Variants in C16orf78 observed in about 807,000 individuals in gnomAD.
The protein encoded by C16orf78 is uncharacterized protein C16orf78.
Under a neutral mutation model 27.3 loss-of-function variants are expected in C16orf78, and 19 were observed. The observed-to-expected ratio is 0.70, with a 90% CI of 0.49 to 1.02. The LOEUF is 1.02. Among genes scored for constraint, C16orf78 ranks in the 50% least tolerant of loss-of-function variants. C16orf78 has a pLI of 0.00. For synonymous variants in C16orf78, 130 were observed against 116.1 expected (o/e 1.12, Z -0.77); for missense variants, 339 against 337.0 (o/e 1.01, Z -0.05).
intron 3 of C16orf78, among the ~76,000 whole-genome samples, chr16:49,394,017 A>G (rs1289480396): frequency 6.6e-6 from 1 of 152,136 alleles, no homozygotes; most frequent in South Asian, 2.1e-4. Context: ...AAATTGGTAC[A>G]ATATAGAGCA....
Position 49,373,821 on chromosome 16 carries a change from C to T in C16orf78, c.-119C>T. Reference sequence around the variant, plus strand: ...CTTGGCTCACTCTGCCCTTTATGTTCACATCTGGAGGCCACACCCTACCTT... The same window carrying T: ...CTTGGCTCACTCTGCCCTTTATGTTTACATCTGGAGGCCACACCCTACCTT... On this transcript the variant is annotated 5_prime_UTR_variant, in exon 1 of 5. Coordinates refer to ENST00000299191, the MANE Select transcript of C16orf78 (RefSeq NM_144602.4). The T allele has an allele frequency of 7.9e-7, 1 of 1,261,888 alleles. No individual in the cohort carries two copies. Among genetic ancestry groups the T allele is most frequent in the Non-Finnish European group, 1.1e-6 (1 of 905,328 alleles). The allele number at this position is 1,261,888 out of a possible 1,614,324, so 78.2% of individuals were successfully genotyped here.
intron 1 of C16orf78, among the ~76,000 whole-genome samples, chr16:49,376,026 A>G (rs1965212642): frequency 6.6e-6 from 1 of 152,240 alleles, no homozygotes; most frequent in African/African-American, 2.4e-5. Context: ...TAAGTCTTCA[A>G]GCATCATTAC....
chr16:49,395,714 C>T (rs152671), intron 3 of C16orf78, among the ~76,000 whole-genome samples: 46,998 of 152,082 alleles, frequency 0.31, 10,518 homozygotes, highest in African/African-American at 0.64. Flanking sequence ...AACTGATCAA[C>T]GATTCGCCCT....
intron 3 of C16orf78, 28 bp from the exon 4 acceptor site, chr16:49,396,395 C>T: frequency 6.2e-7 from 1 of 1,612,094 alleles, no homozygotes; most frequent in Non-Finnish European, 8.5e-7. Flanking sequence ...CACGGTCTAA[C>T]TCTTTGATGG....
rs768735875 is a variant in C16orf78 at position 49,399,419 on chromosome 16, G to A, written c.*141G>A. 1 of 1,013,426 alleles carries A rather than the reference G, an allele frequency of 9.9e-7. No homozygotes were observed. The highest frequency in any genetic ancestry group is 1.4e-6 in the Non-Finnish European group (1 of 706,402). The allele number at this position is 1,013,426 out of a possible 1,614,324, so 62.8% of individuals were successfully genotyped here. A position where few individuals can be genotyped will look rare whatever the true frequency, so the allele number is the denominator to read the frequency against. ...AGTAAGCAATCAGAAAACAAGCCTC[G>A]GCTGTGTGATCATTGTGCTTCCGTA... On this transcript the variant is annotated 3_prime_UTR_variant, in exon 5 of 5. Coordinates refer to ENST00000299191, the MANE Select transcript of C16orf78 (RefSeq NM_144602.4).
In C16orf78 at chr16:49,399,106, A is replaced by T. The variant is rs770300761; in HGVS notation, c.651-25A>T. On this transcript the variant is annotated intron_variant, in intron 4 of 4. Transcript: ENST00000299191. ...GCTGCTGTGACTCCACCTTCAACTGACCTCTTTTGCCTTCTCTTGAACAGA... is the reference window on the plus strand; with the variant it reads ...GCTGCTGTGACTCCACCTTCAACTGTCCTCTTTTGCCTTCTCTTGAACAGA... 3.1e-6 allele frequency: 5 copies of T among 1,611,098 alleles called. No homozygotes were observed. In the South Asian group the frequency reaches 4.4e-5, roughly 14 times the overall value.
At position 49,399,411 on chromosome 16, in the gene C16orf78, C is replaced by A; in HGVS notation, c.*133C>A. On this transcript the variant is annotated 3_prime_UTR_variant, in exon 5 of 5. Transcript: ENST00000299191. Reference sequence around the variant, plus strand: ...CTTTAGAAAGTAAGCAATCAGAAAACAAGCCTCGGCTGTGTGATCATTGTG... The same window carrying A: ...CTTTAGAAAGTAAGCAATCAGAAAAAAAGCCTCGGCTGTGTGATCATTGTG... 2 of 1,082,862 alleles carry A rather than the reference C, an allele frequency of 1.8e-6. No individual in the cohort carries two copies. Among genetic ancestry groups the A allele is most frequent in the Non-Finnish European group, 2.6e-6 (2 of 762,258 alleles). The allele number at this position is 1,082,862 out of a possible 1,614,324, so 67.1% of individuals were successfully genotyped here. A position where few individuals can be genotyped will look rare whatever the true frequency, so the allele number is the denominator to read the frequency against.
At chr16:49,395,726 T>C (rs1254692782) in intron 3 of C16orf78, among the ~76,000 whole-genome samples, 3 of 152,202 alleles carry the variant, frequency 2.0e-5, no homozygotes, top group Non-Finnish European at 4.4e-5. Flanking sequence ...ATTCGCCCTT[T>C]TAAACCCAGC....
rs552851501 is a variant in C16orf78 at position 49,383,216 on chromosome 16, C to A, written c.394+4623C>A. ...AGTCTGGGCCTCAAGATGTGGCACC[C>A]AGGACCTAGTCAGGGCTGAGCCTGG... is the stretch of plus-strand genomic sequence containing the variant. On this transcript the variant is annotated intron_variant, in intron 3 of 4. Transcript: ENST00000299191. 1.0e-3 allele frequency among the ~76,000 whole-genome samples: 152 copies of A among 152,338 alleles called. 1 individual carries two copies. The highest frequency in any genetic ancestry group is 1.6e-4 in the Non-Finnish European group (11 of 68,040).
At chr16:49,396,389 G>T (rs369001725) in intron 3 of C16orf78, 34 bp from the exon 4 acceptor site, 13 of 1,610,696 alleles carry the variant, frequency 8.1e-6, no homozygotes, top group African/African-American at 1.3e-5. Flanking sequence ...GTCTCCCACG[G>T]TCTAACTCTT....
intron 1 of C16orf78, among the ~76,000 whole-genome samples, chr16:49,374,871 A>T (rs1377391578): frequency 6.6e-6 from 1 of 152,178 alleles, no homozygotes; most frequent in Admixed American, 6.5e-5. Context: ...GAACCAAGCC[A>T]TGTCTTTGGA....
At chr16:49,375,497 C>T (rs532944890) in intron 1 of C16orf78, among the ~76,000 whole-genome samples, 2 of 152,258 alleles carry the variant, frequency 1.3e-5, no homozygotes, top group South Asian at 4.2e-4. Context: ...AGGTGCCACA[C>T]ACACTTTTAA....
intron 3 of C16orf78, among the ~76,000 whole-genome samples, chr16:49,393,168 A>C (rs1271586945): frequency 6.6e-6 from 1 of 152,166 alleles, no homozygotes; most frequent in Non-Finnish European, 1.5e-5. Context: ...ACAGCATAGT[A>C]ACCCGATACA....
In C16orf78 at chr16:49,378,069, C is replaced by G. The variant is rs571855527; in HGVS notation, c.270+219C>G. Among the ~76,000 whole-genome samples, 119 of 152,314 alleles carry G rather than the reference C, an allele frequency of 7.8e-4. 3 individuals are homozygous for G. The South Asian group carries it at 0.022, about 28-fold the overall frequency. Reference sequence around the variant, plus strand: ...CCTCCCTGTAGTTTCATTCTTCACACGTGTCACATCCTCCCTTGCCCACAT... The same window carrying G: ...CCTCCCTGTAGTTTCATTCTTCACAGGTGTCACATCCTCCCTTGCCCACAT... On this transcript the variant is annotated intron_variant, in intron 2 of 4. Transcript: ENST00000299191.
At chr16:49,376,985 C>T (rs1965227012) in intron 1 of C16orf78, among the ~76,000 whole-genome samples, 1 of 152,170 alleles carries the variant, frequency 6.6e-6, no homozygotes, top group Admixed American at 6.5e-5. Context: ...GCTCTGGCAC[C>T]CACCCCTAAC....
At chr16:49,384,979 CCAAA>C (rs1224349790) in intron 3 of C16orf78, among the ~76,000 whole-genome samples, 4 of 152,010 alleles carry the variant, frequency 2.6e-5, no homozygotes, top group Non-Finnish European at 2.9e-5. Flanking sequence ...AAGGACTTTC[CCAAA>C]CAAAGAGTGA....
intron 2 of C16orf78, 25 bp from the exon 3 acceptor site, chr16:49,378,445 T>C: frequency 6.4e-7 from 1 of 1,553,156 alleles, no homozygotes; most frequent in Non-Finnish European, 8.7e-7. Flanking sequence ...AACTGGGGTG[T>C]GACTTCTCAC....
chr16:49,388,192 G>A (rs2111246), intron 3 of C16orf78, among the ~76,000 whole-genome samples: 44,161 of 151,872 alleles, frequency 0.29, 6,670 homozygotes, highest in South Asian at 0.46. Flanking sequence ...GGTTTTTTGT[G>A]TGTGTCTCAA....
At chr16:49,381,449 A>G (rs1246626671) in intron 3 of C16orf78, among the ~76,000 whole-genome samples, 1 of 152,196 alleles carries the variant, frequency 6.6e-6, no homozygotes, top group African/African-American at 2.4e-5. Context: ...GTGCACAGCA[A>G]AAGAAACTAC....
Sources: allele counts gnomAD v4.1 joint callset (sites outside exome capture counted in the v4.1 genomes callset), GRCh38; gene constraint gnomAD v4.1.1; transcripts MANE v1.5; gene names NCBI Gene and HGNC (gene_info 2026-07-23, HGNC 2026-07-21).